Variants in SLC30A3 observed in about 807,000 individuals in gnomAD.
The protein encoded by SLC30A3 is solute carrier family 30 member 3.
Under a neutral mutation model 35.6 loss-of-function variants are expected in SLC30A3, and 20 were observed. The ratio of observed to expected loss-of-function variants is 0.56; its 90% CI spans 0.39 to 0.82. The LOEUF (loss-of-function observed/expected upper bound fraction) is 0.82. SLC30A3 is among the 40% of genes least tolerant of loss of function. The pLI is 0.00. For missense variants in SLC30A3, 401 were observed against 530.6 expected, an observed-to-expected ratio of 0.76 and a Z score of 2.40; for synonymous variants, 217 against 224.7, an observed-to-expected ratio of 0.97 and a Z score of 0.31.
Position 27,257,275 on chromosome 2 carries a change from T to G in SLC30A3, c.656A>C (p.Glu219Ala). 1 of 1,613,904 alleles carries G rather than the reference T, an allele frequency of 6.2e-7. No homozygotes were observed. Among genetic ancestry groups the G allele is most frequent in the Non-Finnish European group, 8.5e-7 (1 of 1,179,920 alleles). Reference protein sequence around the residue: ...SRGAEYAPLEEGPEEPLPLGN... With the variant: ...SRGAEYAPLEAGPEEPLPLGN... ...CAGGGGCAGGGGCTCTTCAGGCCCCTCCTCCAGCGGTGCATACTCTGCTCC... is the reference window on the plus strand; with the variant it reads ...CAGGGGCAGGGGCTCTTCAGGCCCCGCCTCCAGCGGTGCATACTCTGCTCC... Residue 219 changes from glutamate (E) to alanine (A), a missense_variant, in exon 5 of 8, where the codon GAG becomes GCG. Physicochemically the swap from Glu to Ala is moderately radical, Grantham distance 107. Around this residue, in one of 3 missense-constraint regions of SLC30A3, gnomAD observed 296 missense variants for 392.6 expected, o/e 0.75. Transcript: ENST00000233535. The surrounding 1 kb of genome is among the most constrained non-coding windows in gnomAD (Gnocchi z 4.7).
intron 1 of SLC30A3, among the ~76,000 whole-genome samples, chr2:27,273,869 C>T (rs1379952639): frequency 6.6e-6 from 1 of 152,042 alleles, no homozygotes; most frequent in African/African-American, 2.4e-5. Flanking sequence ...GTTCTGTCCT[C>T]CCATGAGTCA....
chr2:27,274,237 A>T (rs903069776), intron 1 of SLC30A3, among the ~76,000 whole-genome samples: 10 of 152,232 alleles, frequency 6.6e-5, no homozygotes, highest in Non-Finnish European at 1.5e-4. Context: ...AAGCAGGAGA[A>T]TCACTTGAAC....
rs1439127164 is a variant in SLC30A3 at position 27,263,004 on chromosome 2, C to T, written c.-98G>A. The T allele has an allele frequency of 2.2e-5, 31 of 1,412,940 alleles. No individual in the cohort carries two copies. The highest frequency in any genetic ancestry group is 6.1e-5 in the East Asian group (2 of 32,606). The allele number at this position is 1,412,940 out of a possible 1,614,324, so 87.5% of individuals were successfully genotyped here. On this transcript the variant is annotated 5_prime_UTR_variant, in exon 1 of 8. Transcript: ENST00000233535. ...GCAGCCCGCCGACCCCCGGGATCCC[C>T]GCAGGGCGGCGGGGCCACCAGAGTG... is the stretch of plus-strand genomic sequence containing the variant.
upstream of SLC30A3, chr2:27,263,192 G>A (rs1572482975): frequency 3.4e-6 from 3 of 872,994 alleles, no homozygotes; most frequent in South Asian, 3.9e-5. Context: ...CCATTTCCCC[G>A]CGCCAGAGCC....
chr2:27,259,078 C>T lies in SLC30A3; in HGVS notation c.96-144G>A, dbSNP rs536878414. The T allele has an allele frequency of 9.6e-6, 6 of 624,736 alleles. No homozygotes were observed. The African/African-American group carries it at 1.1e-4, about 12-fold the overall frequency. 38.7% of individuals were successfully genotyped at this position (624,736 alleles called of 1,614,324 possible). A position where few individuals can be genotyped will look rare whatever the true frequency, so the allele number is the denominator to read the frequency against. ...TCTGGGAGCTGCATCGGCAGAGGGC[C>T]ACATGAGAGACCGGGGCTAAATGAA... On this transcript the variant is annotated intron_variant, in intron 1 of 7. Transcript: ENST00000233535.
exon 1 of SLC30A3, chr2:27,275,265 G>C: frequency 7.9e-7 from 1 of 1,270,448 alleles, no homozygotes; most frequent in Non-Finnish European, 1.0e-6. Context: ...CTGGGGAAGA[G>C]GGGCTCGGTG....
rs1168519119 is a variant in SLC30A3 at position 27,256,847 on chromosome 2, A to G, written c.824T>C (p.Ile275Thr). Residue 275 changes from isoleucine (I) to threonine (T), a missense_variant, in exon 6 of 8, where the codon ATC becomes ACC. This residue lies in a region of SLC30A3 where 296 missense variants were observed against 392.6 expected (regional missense o/e 0.75). Coordinates refer to ENST00000233535, the MANE Select transcript of SLC30A3 (RefSeq NM_003459.5). Reference sequence around the variant, plus strand: ...GGGAGCGGTGGATCCAAGGGCACAGATGGAGAAGAGGAAGGTGCTGATGGG... The same window carrying G: ...GGGAGCGGTGGATCCAAGGGCACAGGTGGAGAAGAGGAAGGTGCTGATGGG... ...ADPISTFLFS[I>T]CALGSTAPTL... 1 of 1,606,662 alleles carries G rather than the reference A, an allele frequency of 6.2e-7. No homozygotes were observed. The highest frequency in any genetic ancestry group is 1.4e-5 in the African/African-American group (1 of 74,032).
At chr2:27,256,272 G>A in intron 7 of SLC30A3, 114 bp downstream of exon 7, 1 of 1,240,362 alleles carries the variant, frequency 8.1e-7, no homozygotes, top group East Asian at 2.4e-5. Flanking sequence ...GAGACACAGA[G>A]AAACAGAGAC....
At chr2:27,263,900 A>T, upstream of SLC30A3, 1 of 516,434 alleles carries the variant, frequency 1.9e-6, no homozygotes, top group Non-Finnish European at 3.5e-6. Flanking sequence ...GCAGCGGGGC[A>T]GCGTGTCAGC....
chr2:27,263,551 T>C, upstream of SLC30A3: 1 of 263,084 alleles, frequency 3.8e-6, no homozygotes, highest in Non-Finnish European at 7.9e-6. Context: ...GAATCTGGGG[T>C]CGGAATTCAC....
chr2:27,274,253 A>G (rs1162390505), intron 1 of SLC30A3, among the ~76,000 whole-genome samples: 1 of 152,228 alleles, frequency 6.6e-6, no homozygotes. Flanking sequence ...TGAACCCGGA[A>G]GGCAGAGGTT....
Position 27,263,047 on chromosome 2 carries a change from T to G in SLC30A3, c.-141A>C, listed in dbSNP as rs939632240. On this transcript the variant is annotated 5_prime_UTR_variant, in exon 1 of 8. Coordinates refer to ENST00000233535, the MANE Select transcript of SLC30A3 (RefSeq NM_003459.5). ...CCAGAGTGGAGCGAACTGCAGCGAC[T>G]GTGGCGCGCGGAGTCCGAACTGCAG... 4 of 1,368,386 alleles carry G rather than the reference T, an allele frequency of 2.9e-6. No individual in the cohort carries two copies. The highest frequency in any genetic ancestry group is 7.9e-5 in the Admixed American group (2 of 25,420). 84.8% of individuals were successfully genotyped at this position (1,368,386 alleles called of 1,614,324 possible).
chr2:27,259,491 C>CA (rs566907646), intron 1 of SLC30A3, among the ~76,000 whole-genome samples: 18,182 of 124,328 alleles, frequency 0.15, 2,970 homozygotes, highest in African/African-American at 0.42. Flanking sequence ...GAGACTGTCT[C>CA]AAAAAAAAAA....
Position 27,262,234 on chromosome 2 carries a change from C to G in SLC30A3, c.95+578G>C, listed in dbSNP as rs186164175. On this transcript the variant is annotated intron_variant, in intron 1 of 7. Coordinates refer to ENST00000233535, the MANE Select transcript of SLC30A3 (RefSeq NM_003459.5). This position sits in a 1 kb window ranked among gnomAD's most constrained non-coding sequence, Gnocchi z 7.5. ...GTCTGTGCGGAGCCGGGAATACCCCCGCTGCCCAGACCGCACCTGCTCCTT... is the reference window on the plus strand; with the variant it reads ...GTCTGTGCGGAGCCGGGAATACCCCGGCTGCCCAGACCGCACCTGCTCCTT... 2 of 152,120 alleles carry G rather than the reference C, an allele frequency of 1.3e-5. No individual in the cohort carries two copies. Among genetic ancestry groups the G allele is most frequent in the African/African-American group, 4.8e-5 (2 of 41,406 alleles). The allele number at this position is 152,120 out of a possible 1,614,324, so 9.4% of individuals were successfully genotyped here.
chr2:27,258,689 T>C lies in SLC30A3; in HGVS notation c.277+64A>G, dbSNP rs543476643. 9.4e-5 allele frequency: 147 copies of C among 1,556,172 alleles called. 1 individual carries two copies. The South Asian group carries it at 1.5e-3, about 16-fold the overall frequency. On this transcript the variant is annotated intron_variant, in intron 2 of 7. Transcript: ENST00000233535. The surrounding 1 kb of genome is among the most constrained non-coding windows in gnomAD (Gnocchi z 4.0). ...GCACCCAGGAACATTCCTGGGACTCTGGGTGGAGAGTGGCTTGGGCAGGTA... is the reference window on the plus strand; with the variant it reads ...GCACCCAGGAACATTCCTGGGACTCCGGGTGGAGAGTGGCTTGGGCAGGTA...
At position 27,260,032 on chromosome 2, in the gene SLC30A3, C is replaced by T. The variant is rs552980423; in HGVS notation, c.96-1098G>A. Among the ~76,000 whole-genome samples, 14 of 152,226 alleles carry T rather than the reference C, an allele frequency of 9.2e-5. No individual in the cohort carries two copies. In the East Asian group the frequency reaches 2.3e-3, roughly 25 times the overall value. On this transcript the variant is annotated intron_variant, in intron 1 of 7. Coordinates refer to ENST00000233535, the MANE Select transcript of SLC30A3 (RefSeq NM_003459.5). ...AGACAGGTGAATGCTATGCCAGGCA[C>T]GCCAAGGCAGTATGAAGGGAAGGTG... is the stretch of plus-strand genomic sequence containing the variant.
At chr2:27,270,428 A>G (rs1677683191) in intron 1 of SLC30A3, among the ~76,000 whole-genome samples, 1 of 152,138 alleles carries the variant, frequency 6.6e-6, no homozygotes, top group Non-Finnish European at 1.5e-5. Context: ...AGGATGTAGA[A>G]GCATGGAAAG....
Position 27,257,946 on chromosome 2 carries a change from G to C in SLC30A3, c.537C>G (p.Ala179=). The change falls in exon 4 of 8, where the codon GCC becomes GCG. Residue 179 remains alanine, a synonymous_variant. Transcript: ENST00000233535. The surrounding 1 kb of genome is among the most constrained non-coding windows in gnomAD (Gnocchi z 4.7). ...CTGCGATGCTGGCGGTCAGCAGCAT[G>C]GCACCCCCCTCGATGTGGTAGTCGC... ...LHSDYHIEGG[A]MLLTASIAVC... 6.2e-7 allele frequency: 1 copy of C among 1,614,200 alleles called. No homozygotes were observed. Among genetic ancestry groups the C allele is most frequent in the Non-Finnish European group, 8.5e-7 (1 of 1,180,028 alleles).
intron 1 of SLC30A3, among the ~76,000 whole-genome samples, chr2:27,273,810 G>A (rs1187545878): frequency 6.6e-6 from 1 of 150,968 alleles, no homozygotes; most frequent in Admixed American, 6.6e-5. Flanking sequence ...AATGCCTTCT[G>A]CTCTCTCTAC....
Sources: gnomAD v4.1 joint callset for allele counts (sites outside exome capture counted in the v4.1 genomes callset) on GRCh38, gnomAD v4.1.1 for gene constraint, gnomAD v4.1.1 regional missense constraint, Gnocchi (gnomAD v3.1) non-coding constraint, MANE v1.5 for transcripts, NCBI Gene and HGNC (gene_info 2026-07-23, HGNC 2026-07-21) for gene names.